CNTN1: variants seen among roughly 807,000 people sequenced by gnomAD.
The protein encoded by CNTN1 is contactin-1.
A neutral mutation model predicts 126.4 loss-of-function variants in CNTN1; 38 were observed. That is an observed-to-expected ratio of 0.30 (90% CI 0.23 to 0.39). The LOEUF (loss-of-function observed/expected upper bound fraction) is 0.39, where lower values mean the gene tolerates loss of function less well. Ranked by LOEUF, CNTN1 falls within the 10% of genes least tolerant of loss-of-function variation. The pLI is 1.00. For synonymous variants in CNTN1, 413 were observed against 422.6 expected (o/e 0.98, Z 0.28); for missense variants, 1,009 against 1,248.4 (o/e 0.81, Z 2.89).
intron 5 of CNTN1, 40 bp from the exon 6 acceptor site, chr12:40,924,517 C>A: frequency 1.9e-6 from 2 of 1,033,136 alleles, no homozygotes; most frequent in Non-Finnish European, 3.0e-6. Context: ...TTTCTATTGA[C>A]CAGAGAGTGA....
At chr12:40,796,956 AAGTTG>A (rs1239174872) in intron 1 of CNTN1, among the ~76,000 whole-genome samples, 3 of 152,094 alleles carry the variant, frequency 2.0e-5, no homozygotes, top group Non-Finnish European at 2.9e-5. Context: ...CACAGGTCTG[AAGTTG>A]AGTATAAACT....
At chr12:40,778,362 C>G (rs1939668593) in intron 1 of CNTN1, among the ~76,000 whole-genome samples, 2 of 151,804 alleles carry the variant, frequency 1.3e-5, no homozygotes, top group South Asian at 4.1e-4. Context: ...TATATACAGT[C>G]TAGGCTGCTT....
At chr12:41,038,561 G>T (rs1949323107) in intron 23 of CNTN1, among the ~76,000 whole-genome samples, 1 of 152,076 alleles carries the variant, frequency 6.6e-6, no homozygotes, top group Admixed American at 6.6e-5. Flanking sequence ...TATCCCAAAT[G>T]CAGTCACTTT....
At chr12:40,702,501 A>G (rs533995464) in intron 1 of CNTN1, among the ~76,000 whole-genome samples, 4 of 151,984 alleles carry the variant, frequency 2.6e-5, no homozygotes, top group Admixed American at 6.6e-5. Context: ...CTGGAGTGCA[A>G]TGGTGCGATC....
intron 1 of CNTN1, among the ~76,000 whole-genome samples, chr12:40,814,188 C>T (rs1383948326): frequency 6.6e-6 from 1 of 152,186 alleles, no homozygotes; most frequent in Admixed American, 6.5e-5. Context: ...TGTGCAGAAG[C>T]TCTTTAGTTT....
chr12:41,014,801 C>T (rs78037279), intron 18 of CNTN1, among the ~76,000 whole-genome samples: 1,653 of 152,078 alleles, frequency 0.011, 24 homozygotes, highest in African/African-American at 0.034. Context: ...ATTACAGTTT[C>T]GTGAGTCAAA....
At chr12:41,004,920 G>A (rs758677254) in intron 17 of CNTN1, 17 of 152,158 alleles carry the variant, frequency 1.1e-4, no homozygotes, top group Non-Finnish European at 4.4e-5. Flanking sequence ...GGGGCATTTA[G>A]TCATTTACAT....
chr12:41,058,221 T>C (rs1295059211), intron 23 of CNTN1, among the ~76,000 whole-genome samples: 2 of 152,130 alleles, frequency 1.3e-5, no homozygotes. Context: ...AACATTTCTC[T>C]CAACACCTAG....
intron 15 of CNTN1, among the ~76,000 whole-genome samples, chr12:40,966,337 C>T (rs1421833787): frequency 6.6e-6 from 1 of 152,024 alleles, no homozygotes; most frequent in Non-Finnish European, 1.5e-5. Flanking sequence ...AACTGGGCGC[C>T]ATTCTGAGCC....
intron 15 of CNTN1, among the ~76,000 whole-genome samples, chr12:40,962,255 G>T (rs1322418738): frequency 2.6e-5 from 4 of 152,106 alleles, no homozygotes; most frequent in Admixed American, 6.6e-5. Flanking sequence ...ACATGTGTGT[G>T]TGCGTGTGTG....
In CNTN1 at chr12:40,936,809, T is replaced by A; in HGVS notation, c.1014T>A (p.Asn338Lys). 2 of 1,613,182 alleles carry A rather than the reference T, an allele frequency of 1.2e-6. No individual in the cohort carries two copies. Residue 338 changes from asparagine (N) to lysine (K), a missense_variant, in exon 10 of 24, where the codon AAT becomes AAA. Physicochemically the swap from Asn to Lys is moderately conservative, Grantham distance 94. Transcript: ENST00000551295. ...TCCCTGAGTGGGTAGAACACATCAA[T>A]GACACAGAGGTGGACATAGGCAGTG... ...QAFPEWVEHI[N>K]DTEVDIGSDL...
chr12:40,794,685 A>T (rs1264605485), intron 1 of CNTN1, among the ~76,000 whole-genome samples: 1 of 152,028 alleles, frequency 6.6e-6, no homozygotes, highest in Non-Finnish European at 1.5e-5. Context: ...GCACAGAGAG[A>T]TGGAGAAAAG....
At chr12:41,057,627 A>G (rs1949854803) in intron 23 of CNTN1, among the ~76,000 whole-genome samples, 1 of 152,066 alleles carries the variant, frequency 6.6e-6, no homozygotes, top group Non-Finnish European at 1.5e-5. Context: ...TTTAAATCTT[A>G]TTTGATGAAT....
At chr12:40,871,790 T>C (rs1943506377) in intron 1 of CNTN1, among the ~76,000 whole-genome samples, 1 of 152,150 alleles carries the variant, frequency 6.6e-6, no homozygotes, top group Non-Finnish European at 1.5e-5. Context: ...ACTCATCTGT[T>C]ATTTTTCTTT....
At chr12:40,957,592 A>AAAATAAATAAATAAATAAATAAAT (rs60750061) in intron 14 of CNTN1, among the ~76,000 whole-genome samples, 70 of 140,662 alleles carry the variant, frequency 5.0e-4, no homozygotes, top group African/African-American at 7.9e-4. Context: ...TGGTATGACA[A>AAAATAAATAAATAAATAAATAAAT]AAATAAATAA....
chr12:40,706,390 T>A (rs1941741999), intron 1 of CNTN1, among the ~76,000 whole-genome samples: 1 of 151,866 alleles, frequency 6.6e-6, no homozygotes, highest in African/African-American at 2.4e-5. Flanking sequence ...TGGCCTGACT[T>A]CTCCCAGGCA....
intron 17 of CNTN1, among the ~76,000 whole-genome samples, chr12:41,013,822 C>A (rs918520428): frequency 1.3e-5 from 2 of 152,080 alleles, no homozygotes; most frequent in African/African-American, 4.8e-5. Context: ...TTTGGGGAAA[C>A]ATTATCCAAT....
intron 1 of CNTN1, among the ~76,000 whole-genome samples, chr12:40,749,252 A>C (rs768644876): frequency 1.3e-5 from 2 of 152,154 alleles, no homozygotes; most frequent in Non-Finnish European, 2.9e-5. Context: ...CATTGATTTC[A>C]CATAGTGGAC....
chr12:40,918,493 C>T (rs1945323647), intron 3 of CNTN1, 146 bp from the exon 4 acceptor site: 1 of 693,522 alleles, frequency 1.4e-6, no homozygotes, highest in East Asian at 2.7e-5. Flanking sequence ...ATGTTTGGCT[C>T]AGTATTATGG....
Sources: allele counts gnomAD v4.1 joint callset (sites outside exome capture counted in the v4.1 genomes callset), GRCh38; gene constraint gnomAD v4.1.1; transcripts MANE v1.5; gene names NCBI Gene and HGNC (gene_info 2026-07-23, HGNC 2026-07-21).